CACNA2D2: variants seen among roughly 807,000 people sequenced by gnomAD.
The protein encoded by CACNA2D2 is voltage-dependent calcium channel subunit alpha-2/delta-2.
CACNA2D2 carries 48 observed loss-of-function variants against 166.4 expected under a neutral mutation model. That is an observed-to-expected ratio of 0.29 (90% CI 0.23 to 0.37). The LOEUF (loss-of-function observed/expected upper bound fraction) is 0.37, where lower values mean the gene tolerates loss of function less well. Among genes scored for constraint, CACNA2D2 ranks in the 10% least tolerant of loss-of-function variants. The pLI is 1.00. For missense variants in CACNA2D2, 1,122 were observed against 1,433.0 expected (o/e 0.78, Z 3.50); for synonymous variants, 561 against 573.7 (o/e 0.98, Z 0.32).
At chr3:50,436,144 T>A (rs1708309605) in intron 2 of CACNA2D2, among the ~76,000 whole-genome samples, 1 of 150,252 alleles carries the variant, frequency 6.7e-6, no homozygotes, top group African/African-American at 2.5e-5. Context: ...AGATCCCCCA[T>A]CAGCTTTCAC....
At chr3:50,373,270 A>G (rs1325702565) in intron 22 of CACNA2D2, among the ~76,000 whole-genome samples, 2 of 151,258 alleles carry the variant, frequency 1.3e-5, no homozygotes, top group Non-Finnish European at 2.9e-5. Flanking sequence ...GACATGAGAG[A>G]GAAAGAGAGA....
At chr3:50,381,805 A>C (rs1299464716) in intron 6 of CACNA2D2, among the ~76,000 whole-genome samples, 1 of 151,774 alleles carries the variant, frequency 6.6e-6, no homozygotes, top group Admixed American at 6.6e-5. Flanking sequence ...CCTGCCTAGC[A>C]CCCCAGCTGC....
At chr3:50,412,166 G>T (rs566261911) in intron 3 of CACNA2D2, among the ~76,000 whole-genome samples, 48 of 152,344 alleles carry the variant, frequency 3.2e-4, no homozygotes, top group African/African-American at 1.1e-3. Flanking sequence ...AATTTTACTG[G>T]ATGTGCTTTT....
intron 2 of CACNA2D2, among the ~76,000 whole-genome samples, chr3:50,462,387 A>AAATAATAATAATAATAAT (rs55797246): frequency 1.5e-5 from 2 of 137,600 alleles, no homozygotes; most frequent in Middle Eastern, 3.7e-3. Context: ...GACTGTCTCA[A>AAATAATAATAATAATAAT]AATAATAATA....
chr3:50,451,775 C>T (rs1356275056), intron 2 of CACNA2D2, among the ~76,000 whole-genome samples: 4 of 152,182 alleles, frequency 2.6e-5, no homozygotes, highest in Non-Finnish European at 5.9e-5. Flanking sequence ...CCCTGTCCCA[C>T]AGGTGCACCC....
intron 3 of CACNA2D2, among the ~76,000 whole-genome samples, chr3:50,403,108 T>C (rs1706524917): frequency 1.3e-5 from 2 of 152,140 alleles, no homozygotes; most frequent in South Asian, 2.1e-4. Context: ...AGCACATAAT[T>C]TGGGGAGCAC....
chr3:50,408,874 G>A (rs543041386), intron 3 of CACNA2D2, among the ~76,000 whole-genome samples: 53 of 152,342 alleles, frequency 3.5e-4, no homozygotes, highest in African/African-American at 1.3e-3. Flanking sequence ...GACAGCAGTC[G>A]TGTACATGTG....
intron 6 of CACNA2D2, among the ~76,000 whole-genome samples, chr3:50,382,672 A>G (rs587632874): frequency 6.6e-6 from 1 of 152,334 alleles, no homozygotes; most frequent in East Asian, 1.9e-4. Context: ...TTTCTCTCTA[A>G]GGAAAAAATA....
rs1292984366 is a variant in CACNA2D2 at position 50,476,919 on chromosome 3, GTTTC to G, written c.207-724_207-721del. On this transcript the variant is annotated intron_variant, in intron 1 of 37. Coordinates refer to ENST00000424201, the MANE Select transcript of CACNA2D2 (RefSeq NM_006030.4). ...TGGTACCACCCTGGGATTGCTCTTT[GTTTC>G]TTTTTCTTTTTTTTTTTTTTTTTTG... Among the ~76,000 whole-genome samples, 8 of 146,222 alleles carry G rather than the reference GTTTC, an allele frequency of 5.5e-5. No individual in the cohort carries two copies. In the East Asian group the frequency reaches 1.0e-3, roughly 18 times the overall value.
chr3:50,424,950 C>T (rs1229737724), intron 3 of CACNA2D2, among the ~76,000 whole-genome samples: 1 of 152,244 alleles, frequency 6.6e-6, no homozygotes, highest in Non-Finnish European at 1.5e-5. Flanking sequence ...GTGGCACTGG[C>T]CTTCCCCAGC....
chr3:50,422,443 C>T (rs953544913), intron 3 of CACNA2D2, among the ~76,000 whole-genome samples: 3 of 152,216 alleles, frequency 2.0e-5, no homozygotes, highest in Non-Finnish European at 2.9e-5. Context: ...TGCCCCTTCC[C>T]TGTGCTTCCA....
intron 2 of CACNA2D2, among the ~76,000 whole-genome samples, chr3:50,435,906 C>T (rs1247447399): frequency 6.6e-6 from 1 of 152,208 alleles, no homozygotes; most frequent in Non-Finnish European, 1.5e-5. Context: ...AGAAGAGAGG[C>T]CCCGAGTGAG....
intron 1 of CACNA2D2, among the ~76,000 whole-genome samples, chr3:50,485,982 A>T (rs142701451): frequency 1.3e-5 from 2 of 152,198 alleles, no homozygotes; most frequent in East Asian, 3.9e-4. Context: ...CCACTGACAC[A>T]GACTATGGGC....
At chr3:50,382,083 T>A (rs1705352855) in intron 6 of CACNA2D2, among the ~76,000 whole-genome samples, 1 of 151,578 alleles carries the variant, frequency 6.6e-6, no homozygotes, top group African/African-American at 2.4e-5. Context: ...TGGGCAGAGA[T>A]CCAGGATGGT....
intron 22 of CACNA2D2, among the ~76,000 whole-genome samples, chr3:50,370,842 A>G (rs1704621250): frequency 6.6e-6 from 1 of 152,092 alleles, no homozygotes; most frequent in African/African-American, 2.4e-5. Context: ...GACTTTGAGG[A>G]AGGGAATTGG....
In CACNA2D2 at chr3:50,365,877, G is replaced by A. The variant is rs149761786; in HGVS notation, c.2863-15C>T. On this transcript the variant is annotated splice_polypyrimidine_tract_variant and intron_variant, in intron 32 of 37. Transcript: ENST00000424201. The surrounding 1 kb of genome is among the most constrained non-coding windows in gnomAD (Gnocchi z 4.5). The stretch of plus-strand genomic sequence containing the variant: ...GCAACGGTGGGCTGCAGTGGAGAGA[G>A]GGGCGTGGACTGCCACTGCTGCCCC... The A allele has an allele frequency of 0.011, 18,011 of 1,612,956 alleles. 152 individuals carry two copies. The highest frequency in any genetic ancestry group is 0.012 in the Non-Finnish European group (13,996 of 1,179,956).
At chr3:50,391,244 T>C (rs1376416512) in intron 4 of CACNA2D2, among the ~76,000 whole-genome samples, 1 of 152,238 alleles carries the variant, frequency 6.6e-6, no homozygotes, top group South Asian at 2.1e-4. Context: ...AGGGGAGGGC[T>C]GTCTCTTCCA....
At chr3:50,469,031 G>A (rs894984709) in intron 2 of CACNA2D2, among the ~76,000 whole-genome samples, 2 of 151,944 alleles carry the variant, frequency 1.3e-5, no homozygotes, top group Admixed American at 1.3e-4. Flanking sequence ...GTTTTGCTAT[G>A]TTGGCCAGGC....
chr3:50,383,392 A>C lies in CACNA2D2; in HGVS notation c.652+804T>G, dbSNP rs587693102. 1.8e-4 allele frequency among the ~76,000 whole-genome samples: 27 copies of C among 152,334 alleles called. No individual in the cohort carries two copies. The South Asian group carries it at 4.8e-3, about 27-fold the overall frequency. On this transcript the variant is annotated intron_variant, in intron 6 of 37. Transcript: ENST00000424201. ...AGCCCAGTGGGCTCCTTGGATTCCAAGGCTACTCTGTAGGTGCCCATAGAA... is the reference window on the plus strand; with the variant it reads ...AGCCCAGTGGGCTCCTTGGATTCCACGGCTACTCTGTAGGTGCCCATAGAA...
Sources: gnomAD v4.1 joint callset for allele counts (sites outside exome capture counted in the v4.1 genomes callset) on GRCh38, gnomAD v4.1.1 for gene constraint, Gnocchi (gnomAD v3.1) non-coding constraint, MANE v1.5 for transcripts, NCBI Gene and HGNC (gene_info 2026-07-23, HGNC 2026-07-21) for gene names.